Variants in IPO11 observed in about 807,000 individuals in gnomAD.
The protein encoded by IPO11 is importin-11.
A neutral mutation model predicts 143.2 loss-of-function variants in IPO11; 66 were observed. That is an observed-to-expected ratio of 0.46 (90% CI 0.38 to 0.57). The LOEUF (loss-of-function observed/expected upper bound fraction) is 0.57. Ranked by LOEUF, IPO11 falls within the 20% of genes least tolerant of loss-of-function variation. The probability of loss-of-function intolerance (pLI) is 0.00; values close to 1 mark genes in which losing one functional copy is unlikely to be tolerated. For missense variants in IPO11, 1,026 were observed against 1,141.0 expected, an observed-to-expected ratio of 0.90 and a Z score of 1.45; for synonymous variants, 385 against 377.8, an observed-to-expected ratio of 1.02 and a Z score of -0.22.
chr5:62,551,905 C>T (rs942317689), intron 26 of IPO11, among the ~76,000 whole-genome samples: 2 of 152,034 alleles, frequency 1.3e-5, no homozygotes, highest in Non-Finnish European at 2.9e-5. Flanking sequence ...GTGGGTGGAT[C>T]ACGAGGTCAG....
chr5:62,471,796 C>A (rs1215495961), intron 7 of IPO11, among the ~76,000 whole-genome samples: 2 of 152,154 alleles, frequency 1.3e-5, no homozygotes, highest in Non-Finnish European at 1.5e-5. Flanking sequence ...AATGTACTTA[C>A]ACAATTGTCT....
intron 27 of IPO11, among the ~76,000 whole-genome samples, chr5:62,588,389 C>G (rs1328404774): frequency 6.6e-6 from 1 of 151,942 alleles, no homozygotes. Context: ...GCACCACTGC[C>G]CCCAGCTAAT....
intron 3 of IPO11, among the ~76,000 whole-genome samples, chr5:62,448,704 C>T (rs190337144): frequency 2.6e-4 from 39 of 152,044 alleles, no homozygotes; most frequent in African/African-American, 9.4e-4. Context: ...GTGTATGCCA[C>T]CATGTTCTGC....
chr5:62,484,552 T>C (rs901323427), intron 11 of IPO11, among the ~76,000 whole-genome samples: 1 of 148,728 alleles, frequency 6.7e-6, no homozygotes, highest in East Asian at 1.9e-4. Flanking sequence ...GATGAATAGT[T>C]TTTTTTTTTT....
intron 26 of IPO11, among the ~76,000 whole-genome samples, chr5:62,553,365 ATATTT>A (rs1386141009): frequency 7.2e-6 from 1 of 138,150 alleles, no homozygotes; most frequent in African/African-American, 3.0e-5. Flanking sequence ...TGTGTGTGTG[ATATTT>A]TCTGTATCCA....
intron 27 of IPO11, chr5:62,575,962 AG>A (rs1744300166): frequency 6.6e-6 from 1 of 152,192 alleles, no homozygotes; most frequent in Non-Finnish European, 1.5e-5. Context: ...TAAATCTTTA[AG>A]GGGTTACAGC....
intron 2 of IPO11, among the ~76,000 whole-genome samples, chr5:62,440,922 C>G (rs1490975891): frequency 6.6e-6 from 1 of 151,596 alleles, no homozygotes; most frequent in African/African-American, 2.4e-5. Context: ...AAGATCGCGC[C>G]ACTGCACTCC....
At position 62,470,816 on chromosome 5, in the gene IPO11, C is replaced by CTTTTTTTTTTTTTTTTTTTTTTTTTTTT. The variant is rs70981015; in HGVS notation, c.708+510_708+537dup. On this transcript the variant is annotated intron_variant, in intron 7 of 29. Coordinates refer to ENST00000325324, the MANE Select transcript of IPO11 (RefSeq NM_016338.5). ...TTCATTGTCTGTAGATAGCCATCTT[C>CTTTTTTTTTTTTTTTTTTTTTTTTTTTT]TTTTTTTTTTTTTTTTTTTTTTTTT... 1.3e-4 allele frequency among the ~76,000 whole-genome samples: 8 copies of CTTTTTTTTTTTTTTTTTTTTTTTTTTTT among 62,560 alleles called. 1 individual carries two copies. Among genetic ancestry groups the CTTTTTTTTTTTTTTTTTTTTTTTTTTTT allele is most frequent in the African/African-American group, 2.0e-4 (3 of 14,722 alleles). The allele number at this position is 62,560 out of a possible 152,430, so 41.0% of individuals were successfully genotyped here.
At chr5:62,472,320 A>G (rs1745800372) in intron 7 of IPO11, among the ~76,000 whole-genome samples, 2 of 152,138 alleles carry the variant, frequency 1.3e-5, no homozygotes, top group Non-Finnish European at 1.5e-5. Context: ...GATTTGATTT[A>G]TATTCCTATA....
intron 20 of IPO11, among the ~76,000 whole-genome samples, chr5:62,519,157 A>G (rs540902563): frequency 2.2e-4 from 33 of 152,334 alleles, no homozygotes; most frequent in Admixed American, 1.8e-3. Context: ...TGGTTTAGCA[A>G]TGAGAGTGGT....
chr5:62,545,898 A>T (rs1278446258), intron 24 of IPO11, among the ~76,000 whole-genome samples: 1 of 152,228 alleles, frequency 6.6e-6, no homozygotes, highest in Non-Finnish European at 1.5e-5. Flanking sequence ...CCACAATGAG[A>T]TACCATCTCA....
chr5:62,484,415 TATATC>T (rs764034260), intron 11 of IPO11, among the ~76,000 whole-genome samples: 14 of 152,176 alleles, frequency 9.2e-5, no homozygotes, highest in African/African-American at 2.2e-4. Flanking sequence ...CCTTTACAAA[TATATC>T]ATGTAGTTTC....
intron 16 of IPO11, among the ~76,000 whole-genome samples, chr5:62,503,366 T>C (rs1333576307): frequency 7.1e-6 from 1 of 141,796 alleles, no homozygotes; most frequent in Non-Finnish European, 1.5e-5. Context: ...ATATTAATAG[T>C]ATCTACTAAT....
chr5:62,421,522 G>A (rs1450751593), intron 1 of IPO11, among the ~76,000 whole-genome samples: 4 of 152,182 alleles, frequency 2.6e-5, no homozygotes, highest in Admixed American at 6.5e-5. Context: ...GGAGTACTGG[G>A]TGGGGACAGG....
chr5:62,520,219 T>C (rs1742158133), intron 20 of IPO11, among the ~76,000 whole-genome samples: 1 of 152,232 alleles, frequency 6.6e-6, no homozygotes, highest in African/African-American at 2.4e-5. Flanking sequence ...GGGAATGGTG[T>C]GTGTACAGTA....
chr5:62,590,552 T>C (rs1415972499), intron 27 of IPO11, among the ~76,000 whole-genome samples: 1 of 152,186 alleles, frequency 6.6e-6, no homozygotes, highest in Non-Finnish European at 1.5e-5. Context: ...TCTGAGAAAA[T>C]TCTAAGGTGA....
intron 1 of IPO11, among the ~76,000 whole-genome samples, chr5:62,415,027 A>G (rs1372230201): frequency 6.6e-6 from 1 of 152,156 alleles, no homozygotes; most frequent in East Asian, 1.9e-4. Flanking sequence ...TATATTAAAA[A>G]CGGACTAAAA....
Position 62,515,459 on chromosome 5 carries a change from G to C in IPO11, c.1854G>C (p.Met618Ile). Residue 618 changes from methionine to isoleucine, a missense_variant, in exon 20 of 30, where the codon ATG becomes ATC. Around this residue, in one of 5 missense-constraint regions of IPO11, gnomAD observed 237 missense variants for 288.0 expected, o/e 0.82. Transcript: ENST00000325324. Reference sequence around the variant, plus strand: ...GGAAGCAGAGTGAAGAACACAATATGTTGAGATGTGCTATTTTGACAACAC... The same window carrying C: ...GGAAGCAGAGTGAAGAACACAATATCTTGAGATGTGCTATTTTGACAACAC... ...LLWKQSEEHN[M>I]LRCAILTTLI... The C allele has an allele frequency of 6.2e-7, 1 of 1,609,492 alleles. No homozygotes were observed. The highest frequency in any genetic ancestry group is 8.5e-7 in the Non-Finnish European group (1 of 1,178,420).
At chr5:62,537,659 G>T (rs1374579444) in intron 24 of IPO11, among the ~76,000 whole-genome samples, 1 of 152,102 alleles carries the variant, frequency 6.6e-6, no homozygotes, top group Non-Finnish European at 1.5e-5. Context: ...CATTTTGTTA[G>T]TCTGCTGTTG....
Sources: allele counts gnomAD v4.1 joint callset (sites outside exome capture counted in the v4.1 genomes callset), GRCh38; gene constraint gnomAD v4.1.1; regional missense constraint gnomAD v4.1.1; transcripts MANE v1.5; gene names NCBI Gene and HGNC (gene_info 2026-07-23, HGNC 2026-07-21).